The following SHANK2 variants were observed in gnomAD, a reference collection of about 807,000 sequenced individuals.
SHANK2 encodes SH3 and multiple ankyrin repeat domains 2.
SHANK2 carries 43 observed loss-of-function variants against 133.7 expected under a neutral mutation model. That is an observed-to-expected ratio of 0.32 (90% CI 0.25 to 0.41). The LOEUF is 0.41. SHANK2 is among the 10% of genes least tolerant of loss of function. SHANK2 has a pLI of 1.00. For synonymous variants in SHANK2, 1,017 were observed against 952.8 expected, an observed-to-expected ratio of 1.07 and a Z score of -1.24; for missense variants, 1,994 against 2,235.8, an observed-to-expected ratio of 0.89 and a Z score of 2.18.
At chr11:70,815,208 AC>A (rs1565336087) in intron 12 of SHANK2, among the ~76,000 whole-genome samples, 1 of 133,122 alleles carries the variant, frequency 7.5e-6, no homozygotes, top group Non-Finnish European at 1.7e-5. Flanking sequence ...ACACACACAC[AC>A]ACACACACAC....
Position 70,900,690 on chromosome 11 carries a change from C to T in SHANK2, c.1108-4123G>A, listed in dbSNP as rs376328715. On this transcript the variant is annotated intron_variant, in intron 10 of 25. Coordinates refer to ENST00000601538, the MANE Select transcript of SHANK2 (RefSeq NM_012309.5). ...TGCAAACATTTACTTGTGATAATTG[C>T]CTGACTGTTTCTCCCCTTGATGATT... Among the ~76,000 whole-genome samples, 3 of 152,210 alleles carry T rather than the reference C, an allele frequency of 2.0e-5. No homozygotes were observed. In the South Asian group the frequency reaches 6.2e-4, roughly 32 times the overall value.
rs33915522 is a variant in SHANK2, at chr11:70,618,296, G to GAAAA, written c.2061+41528_2061+41531dup. Among the ~76,000 whole-genome samples, 56 of 112,114 alleles carry GAAAA rather than the reference G, an allele frequency of 5.0e-4. 1 individual carries two copies. Among genetic ancestry groups the GAAAA allele is most frequent in the East Asian group, 1.2e-3 (4 of 3,464 alleles). 73.6% of individuals were successfully genotyped at this position (112,114 alleles called of 152,430 possible). A position where few individuals can be genotyped will look rare whatever the true frequency, so the allele number is the denominator to read the frequency against. ...GCAACAGAGTTAAGACTCGGTCTCA[G>GAAAA]AAAAAAAAAAAAAAAAAGAAATGTT... On this transcript the variant is annotated intron_variant, in intron 17 of 25. Coordinates refer to ENST00000601538, the MANE Select transcript of SHANK2 (RefSeq NM_012309.5).
At position 70,907,780 on chromosome 11, in the gene SHANK2, G is replaced by C. The variant is rs1347128067; in HGVS notation, c.1108-11213C>G. ...ATAAATATTTTATCAAGACACATCG[G>C]ATATGACAACATAGATTCATGATAA... On this transcript the variant is annotated intron_variant, in intron 10 of 25. Transcript: ENST00000601538. 4 of 382,044 alleles carry C rather than the reference G, an allele frequency of 1.0e-5. No homozygotes were observed. In the Admixed American group the frequency reaches 1.2e-4, roughly 12 times the overall value. The allele number at this position is 382,044 out of a possible 1,614,324, so 23.7% of individuals were successfully genotyped here.
chr11:70,895,505 T>C (rs1445993526), intron 11 of SHANK2: 3 of 152,522 alleles, frequency 2.0e-5, no homozygotes, highest in Non-Finnish European at 4.4e-5. Flanking sequence ...GCCCAGCCGA[T>C]GGCAGGGCGA....
intron 17 of SHANK2, among the ~76,000 whole-genome samples, chr11:70,631,401 CACACA>C (rs1565195582): frequency 6.6e-6 from 1 of 150,574 alleles, no homozygotes; most frequent in Non-Finnish European, 1.5e-5. Flanking sequence ...CACACACACA[CACACA>C]CACCCACACA....
In SHANK2 at chr11:70,490,101, C is replaced by T. The variant is rs2058864397; in HGVS notation, c.2551+175G>A. ...TCATGCCACTCAGATGTTCCAATGG[C>T]TCCCTAGTGGGCAAGGCCAGGTTCC... On this transcript the variant is annotated intron_variant, in intron 23 of 25. Transcript: ENST00000601538. The T allele has an allele frequency of 9.7e-6, 6 of 618,238 alleles. 1 individual carries two copies. The South Asian group carries it at 1.1e-4, about 12-fold the overall frequency. The allele number at this position is 618,238 out of a possible 1,614,324, so 38.3% of individuals were successfully genotyped here. A position where few individuals can be genotyped will look rare whatever the true frequency, so the allele number is the denominator to read the frequency against.
At chr11:70,492,064 G>A (rs889789889) in intron 22 of SHANK2, among the ~76,000 whole-genome samples, 6 of 152,126 alleles carry the variant, frequency 3.9e-5, no homozygotes, top group South Asian at 2.1e-4. Context: ...ATGTGCTCAC[G>A]GGTCCTCAGC....
intron 17 of SHANK2, among the ~76,000 whole-genome samples, chr11:70,645,696 A>G (rs990840877): frequency 6.6e-6 from 1 of 152,156 alleles, no homozygotes; most frequent in Non-Finnish European, 1.5e-5. Flanking sequence ...CCTCAAATTC[A>G]GTGGCCGACA....
chr11:71,253,088 C>T (rs1238683233), upstream of SHANK2, among the ~76,000 whole-genome samples: 8 of 152,200 alleles, frequency 5.3e-5, no homozygotes, highest in Admixed American at 6.5e-5. Context: ...GGGCGCCTTC[C>T]GCCCAGGGGT....
rs1408224643 is a variant in SHANK2, at chr11:70,804,854, G to T, written c.1663+2148C>A. 6.6e-6 allele frequency among the ~76,000 whole-genome samples: 1 copy of T among 152,156 alleles called. No homozygotes were observed. Among genetic ancestry groups the T allele is most frequent in the African/African-American group, 2.4e-5 (1 of 41,430 alleles). On this transcript the variant is annotated intron_variant, in intron 13 of 25. Coordinates refer to ENST00000601538, the MANE Select transcript of SHANK2 (RefSeq NM_012309.5). The surrounding 1 kb of genome is among the most constrained non-coding windows in gnomAD (Gnocchi z 4.1). ...TGGGAGACTCGGATCCACTGATGGG[G>T]CTCATCACCGGCTCCCCCTCTCCCT...
At chr11:70,582,990 G>A (rs1032333120) in intron 17 of SHANK2, among the ~76,000 whole-genome samples, 3 of 152,218 alleles carry the variant, frequency 2.0e-5, no homozygotes, top group Non-Finnish European at 2.9e-5. Context: ...CAGCAGGCTC[G>A]TGGGGCCAGG....
intron 21 of SHANK2, among the ~76,000 whole-genome samples, chr11:70,492,898 C>T (rs2058914760): frequency 7.2e-6 from 1 of 139,050 alleles, no homozygotes; most frequent in Non-Finnish European, 1.5e-5. Context: ...CAGGTTTAAG[C>T]AATTCTCTTG....
intron 14 of SHANK2, among the ~76,000 whole-genome samples, chr11:70,699,749 A>G (rs1945479118): frequency 6.6e-6 from 1 of 152,238 alleles, no homozygotes; most frequent in Non-Finnish European, 1.5e-5. Context: ...CCAAAAGCAC[A>G]TGTTCCAAGA....
intron 17 of SHANK2, among the ~76,000 whole-genome samples, chr11:70,582,334 C>A (rs114017002): frequency 6.6e-6 from 1 of 152,346 alleles, no homozygotes; most frequent in African/African-American, 2.4e-5. Context: ...GCCGTGGAGG[C>A]CGCCAGCCCC....
At chr11:71,078,818 A>T (rs1951254305) in intron 8 of SHANK2, among the ~76,000 whole-genome samples, 1 of 152,228 alleles carries the variant, frequency 6.6e-6, no homozygotes, top group African/African-American at 2.4e-5. Flanking sequence ...AGTGGGTATA[A>T]ATGTGAGTGC....
intron 9 of SHANK2, among the ~76,000 whole-genome samples, chr11:71,063,120 G>A (rs1333537552): frequency 6.6e-6 from 1 of 151,880 alleles, no homozygotes; most frequent in Non-Finnish European, 1.5e-5. Flanking sequence ...GAAAGAAAAA[G>A]TAAAGAAAAT....
At chr11:70,498,554 TC>T (rs2059005637) in intron 21 of SHANK2, among the ~76,000 whole-genome samples, 1 of 152,124 alleles carries the variant, frequency 6.6e-6, no homozygotes, top group Non-Finnish European at 1.5e-5. Flanking sequence ...GCCGGCTTCT[TC>T]CTGAGCCCAG....
intron 17 of SHANK2, among the ~76,000 whole-genome samples, chr11:70,608,964 A>G (rs558048025): frequency 1.3e-5 from 2 of 152,374 alleles, no homozygotes; most frequent in African/African-American, 2.4e-5. Context: ...CACTGCTCAG[A>G]GAGAGCTCGC....
chr11:70,711,750 T>C (rs1240429159), intron 14 of SHANK2, among the ~76,000 whole-genome samples: 4 of 152,214 alleles, frequency 2.6e-5, no homozygotes, highest in African/African-American at 9.6e-5. Context: ...AAGCAACACG[T>C]ATCACAAAAA....
Sources: gnomAD v4.1 joint callset for allele counts (sites outside exome capture counted in the v4.1 genomes callset) on GRCh38, gnomAD v4.1.1 for gene constraint, Gnocchi (gnomAD v3.1) non-coding constraint, MANE v1.5 for transcripts, NCBI Gene and HGNC (gene_info 2026-07-23, HGNC 2026-07-21) for gene names.